The following ADAMTSL1 variants were observed in gnomAD, a reference collection of about 807,000 sequenced individuals.
ADAMTSL1 encodes ADAMTS-like protein 1.
Under a neutral mutation model 201.8 loss-of-function variants are expected in ADAMTSL1, and 126 were observed. The observed-to-expected ratio is 0.62, with a 90% CI of 0.54 to 0.72. The LOEUF (loss-of-function observed/expected upper bound fraction) is 0.72, where lower values mean the gene tolerates loss of function less well. ADAMTSL1 is among the 30% of genes least tolerant of loss of function. ADAMTSL1 has a pLI of 0.00. For missense variants in ADAMTSL1, 2,679 were observed against 2,277.8 expected, an observed-to-expected ratio of 1.18 and a Z score of -3.59; for synonymous variants, 1,121 against 903.4, an observed-to-expected ratio of 1.24 and a Z score of -4.32.
chr9:18,700,157 C>T (rs1316828949), intron 13 of ADAMTSL1, among the ~76,000 whole-genome samples: 10 of 152,304 alleles, frequency 6.6e-5, no homozygotes, highest in Non-Finnish European at 1.5e-5. Context: ...TATCTCAAAA[C>T]TTTAATGCTC....
At chr9:18,632,685 T>G (rs1446690991) in intron 5 of ADAMTSL1, among the ~76,000 whole-genome samples, 1 of 152,148 alleles carries the variant, frequency 6.6e-6, no homozygotes, top group East Asian at 1.9e-4. Flanking sequence ...CAAAAAATAC[T>G]TGTGGAATAA....
intron 2 of ADAMTSL1, among the ~76,000 whole-genome samples, chr9:18,393,861 G>A (rs956664225): frequency 3.3e-5 from 5 of 152,166 alleles, no homozygotes; most frequent in African/African-American, 1.2e-4. Flanking sequence ...CAAAGCCTGG[G>A]TCCTGGATGA....
intron 1 of ADAMTSL1, among the ~76,000 whole-genome samples, chr9:18,156,313 C>T (rs1032114548): frequency 6.6e-6 from 1 of 151,948 alleles, no homozygotes; most frequent in Non-Finnish European, 1.5e-5. Context: ...CCAATGTAAA[C>T]TAAGCAGGGG....
At chr9:18,811,029 A>C (rs1239886685) in intron 20 of ADAMTSL1, among the ~76,000 whole-genome samples, 1 of 149,144 alleles carries the variant, frequency 6.7e-6, no homozygotes, top group East Asian at 1.9e-4. Flanking sequence ...AAAAAAAAAA[A>C]AAAAAACAAA....
chr9:18,033,471 G>A (rs62553125), intron 1 of ADAMTSL1, among the ~76,000 whole-genome samples: 2,482 of 152,264 alleles, frequency 0.016, 46 homozygotes, highest in South Asian at 0.075. Context: ...TTTCCATTGA[G>A]TGAAGCTCCT....
intron 23 of ADAMTSL1, among the ~76,000 whole-genome samples, chr9:18,849,720 C>T (rs958304270): frequency 1.3e-5 from 2 of 152,126 alleles, no homozygotes; most frequent in Non-Finnish European, 2.9e-5. Context: ...ACTGGAAGGC[C>T]GAGGTTTTAT....
In ADAMTSL1 at chr9:18,112,777, G is replaced by T. The variant is rs186989502; in HGVS notation, c.88-51085G>T. 3.4e-3 allele frequency among the ~76,000 whole-genome samples: 518 copies of T among 152,266 alleles called. 3 individuals are homozygous for T. Among genetic ancestry groups the T allele is most frequent in the Middle Eastern group, 0.027 (8 of 294 alleles). On this transcript the variant is annotated intron_variant, in intron 1 of 29. Transcript: ENST00000680146. The stretch of plus-strand genomic sequence containing the variant: ...CAATATCCCCCTCTACCATGTAAAT[G>T]TTATGAAGGCAGAGATGCCATCCAT...
intron 13 of ADAMTSL1, among the ~76,000 whole-genome samples, chr9:18,692,864 T>C (rs1302648845): frequency 6.6e-6 from 1 of 152,210 alleles, no homozygotes; most frequent in African/African-American, 2.4e-5. Flanking sequence ...GCCTTTTAAG[T>C]AGACTATTTG....
intron 2 of ADAMTSL1, among the ~76,000 whole-genome samples, chr9:18,294,418 A>G (rs1433004392): frequency 6.6e-6 from 1 of 152,244 alleles, no homozygotes; most frequent in East Asian, 1.9e-4. Flanking sequence ...AGGAGTGAAG[A>G]GAGCCAAAAT....
chr9:18,259,572 T>C (rs575633502), intron 2 of ADAMTSL1, among the ~76,000 whole-genome samples: 5 of 152,070 alleles, frequency 3.3e-5, no homozygotes, highest in African/African-American at 1.2e-4. Flanking sequence ...GCTCAGGTAG[T>C]ACAGCTTACA....
chr9:17,919,920 C>T (rs1300169913), intron 1 of ADAMTSL1, among the ~76,000 whole-genome samples: 1 of 152,056 alleles, frequency 6.6e-6, no homozygotes, highest in Non-Finnish European at 1.5e-5. Context: ...CCTGCTACAC[C>T]ATTATACATT....
At chr9:18,506,355 GTTAT>G (rs924866034) in intron 2 of ADAMTSL1, among the ~76,000 whole-genome samples, 4 of 152,172 alleles carry the variant, frequency 2.6e-5, no homozygotes, top group Non-Finnish European at 4.4e-5. Context: ...GAATGTTCCT[GTTAT>G]TTAGTTTTCT....
intron 2 of ADAMTSL1, among the ~76,000 whole-genome samples, chr9:18,299,027 T>TA (rs1190021925): frequency 2.1e-4 from 29 of 135,862 alleles, no homozygotes; most frequent in Admixed American, 3.7e-4. Flanking sequence ...AAAAAAATAA[T>TA]AATAATAATA....
chr9:18,511,420 A>G (rs1818017840), intron 2 of ADAMTSL1, among the ~76,000 whole-genome samples: 1 of 152,088 alleles, frequency 6.6e-6, no homozygotes, highest in African/African-American at 2.4e-5. Flanking sequence ...TTAAAAGTTA[A>G]TAAATTTTGA....
In ADAMTSL1 at chr9:18,775,886, A is replaced by C; in HGVS notation, c.2541A>C (p.Ala847=). The change falls in exon 18 of 29, where the codon GCA becomes GCC. Residue 847 remains alanine, a synonymous_variant. Transcript: ENST00000380548. ...FSSSIRPCML[A]TCARPGRPST... Reference sequence around the variant, plus strand: ...CCTCCATCAGGCCCTGTATGCTGGCAACCTGTGCAAGTAAGTATGTCAGGG... The same window carrying C: ...CCTCCATCAGGCCCTGTATGCTGGCCACCTGTGCAAGTAAGTATGTCAGGG... 6.3e-7 allele frequency: 1 copy of C among 1,594,320 alleles called. No individual in the cohort carries two copies. Among genetic ancestry groups the C allele is most frequent in the Non-Finnish European group, 8.6e-7 (1 of 1,169,566 alleles).
At chr9:18,638,823 G>A (rs916686211) in intron 6 of ADAMTSL1, among the ~76,000 whole-genome samples, 6 of 152,082 alleles carry the variant, frequency 3.9e-5, no homozygotes, top group African/African-American at 4.8e-5. Flanking sequence ...AAAGTCATAC[G>A]GGTACTGAGG....
At chr9:18,110,924 T>G (rs1257294414) in intron 1 of ADAMTSL1, among the ~76,000 whole-genome samples, 1 of 152,184 alleles carries the variant, frequency 6.6e-6, no homozygotes, top group Non-Finnish European at 1.5e-5. Flanking sequence ...TTGATCAACT[T>G]TGTTGAACAA....
At position 18,078,130 on chromosome 9, in the gene ADAMTSL1, C is replaced by G. The variant is rs543710349; in HGVS notation, c.88-85732C>G. 4.3e-4 allele frequency among the ~76,000 whole-genome samples: 66 copies of G among 152,248 alleles called. 1 individual carries two copies. The highest frequency in any genetic ancestry group is 1.4e-3 in the African/African-American group (60 of 41,550). On this transcript the variant is annotated intron_variant, in intron 1 of 29. Coordinates refer to the ADAMTSL1 transcript ENST00000680146. ...TAGCATTGCTGGGCTGTGTTGAGAGCCCATTTGGGGCTTGTGAGCACGGAG... is the reference window on the plus strand; with the variant it reads ...TAGCATTGCTGGGCTGTGTTGAGAGGCCATTTGGGGCTTGTGAGCACGGAG...
intron 1 of ADAMTSL1, among the ~76,000 whole-genome samples, chr9:17,967,192 C>G (rs916717118): frequency 6.6e-6 from 1 of 152,084 alleles, no homozygotes; most frequent in South Asian, 2.1e-4. Context: ...AATACCCGTA[C>G]ACATTCATTC....
Sources: allele counts gnomAD v4.1 joint callset (sites outside exome capture counted in the v4.1 genomes callset), GRCh38; gene constraint gnomAD v4.1.1; transcripts MANE v1.5; gene names NCBI Gene and HGNC (gene_info 2026-07-23, HGNC 2026-07-21).